PRIM2: variants seen among roughly 807,000 people sequenced by gnomAD.
The protein encoded by PRIM2 is DNA primase large subunit.
PRIM2 carries 39 observed loss-of-function variants against 67.3 expected under a neutral mutation model. That is an observed-to-expected ratio of 0.58 (90% CI 0.45 to 0.76). The LOEUF is 0.76. Among genes scored for constraint, PRIM2 ranks in the 30% least tolerant of loss-of-function variants. The pLI, the probability that PRIM2 is intolerant of heterozygous loss-of-function variation, is 0.00. For synonymous variants in PRIM2, 143 were observed against 198.7 expected, an observed-to-expected ratio of 0.72 and a Z score of 2.36; for missense variants, 398 against 598.7, an observed-to-expected ratio of 0.66 and a Z score of 3.50.
At chr6:57,533,936 T>TCATG (rs1304041549) in intron 9 of PRIM2, among the ~76,000 whole-genome samples, 2 of 152,198 alleles carry the variant, frequency 1.3e-5, no homozygotes, top group African/African-American at 4.8e-5. Flanking sequence ...GATGATCCTG[T>TCATG]CATGGGTCTG....
intron 10 of PRIM2, among the ~76,000 whole-genome samples, chr6:57,570,384 G>C (rs2127481249): frequency 6.6e-6 from 1 of 152,252 alleles, no homozygotes; most frequent in Non-Finnish European, 1.5e-5. Context: ...CACCTAATTA[G>C]CAAATGTCTT....
chr6:57,475,555 G>A (rs1773456545), intron 7 of PRIM2, among the ~76,000 whole-genome samples: 1 of 152,148 alleles, frequency 6.6e-6, no homozygotes, highest in Non-Finnish European at 1.5e-5. Context: ...ACTGCTGAAT[G>A]ATATTTCATC....
chr6:57,643,920 AG>A (rs1777290260), intron 13 of PRIM2, among the ~76,000 whole-genome samples: 1 of 152,232 alleles, frequency 6.6e-6, no homozygotes, highest in Non-Finnish European at 1.5e-5. Context: ...TAGGGTGCTT[AG>A]ATAAGTATTA....
At chr6:57,538,795 A>G (rs1383656053) in intron 10 of PRIM2, among the ~76,000 whole-genome samples, 4 of 152,252 alleles carry the variant, frequency 2.6e-5, no homozygotes, top group Middle Eastern at 3.4e-3. Flanking sequence ...TTGTGCTCAC[A>G]TGGCCTTTTC....
At chr6:57,400,192 A>G (rs922692392) in intron 7 of PRIM2, among the ~76,000 whole-genome samples, 8 of 152,232 alleles carry the variant, frequency 5.3e-5, no homozygotes, top group Non-Finnish European at 7.3e-5. Flanking sequence ...GTTGCTTTAT[A>G]TTGTCACTGA....
At chr6:57,242,689 A>G in the PRIM2 span, among the ~76,000 whole-genome samples, 1 of 152,212 alleles carries the variant, frequency 6.6e-6, no homozygotes, top group Non-Finnish European at 1.5e-5. Flanking sequence ...GATTAGTAAC[A>G]TATCATGTGC....
intron 10 of PRIM2, among the ~76,000 whole-genome samples, chr6:57,589,948 C>A: frequency 6.6e-6 from 1 of 152,174 alleles, no homozygotes; most frequent in South Asian, 2.1e-4. Flanking sequence ...AAGTCTTCAT[C>A]CCAGGAGACA....
chr6:57,257,940 C>G, the PRIM2 span, among the ~76,000 whole-genome samples: 2 of 152,168 alleles, frequency 1.3e-5, no homozygotes, highest in South Asian at 4.1e-4. Context: ...TGTCTCAGAG[C>G]AAAAGTTTGA....
intron 10 of PRIM2, among the ~76,000 whole-genome samples, chr6:57,573,582 A>G (rs1775901847): frequency 6.6e-6 from 1 of 152,158 alleles, no homozygotes; most frequent in South Asian, 2.1e-4. Context: ...ATATAGCAGT[A>G]TGGTAATTTA....
At chr6:57,245,755 C>A in the PRIM2 span, among the ~76,000 whole-genome samples, 1 of 152,152 alleles carries the variant, frequency 6.6e-6, no homozygotes, top group Admixed American at 6.5e-5. Flanking sequence ...GGAGTGCCTG[C>A]AGATGTAAAG....
chr6:57,603,362 C>A (rs1203581764), intron 11 of PRIM2, among the ~76,000 whole-genome samples: 1 of 152,138 alleles, frequency 6.6e-6, no homozygotes, highest in African/African-American at 2.4e-5. Flanking sequence ...TGTTTTTGAT[C>A]GCTAGCATTT....
At chr6:57,498,136 C>A (rs1160782459) in intron 7 of PRIM2, among the ~76,000 whole-genome samples, 5 of 152,004 alleles carry the variant, frequency 3.3e-5, no homozygotes, top group Non-Finnish European at 7.4e-5. Flanking sequence ...AAAGCTATAT[C>A]TTTTTGTTGC....
intron 12 of PRIM2, among the ~76,000 whole-genome samples, chr6:57,611,704 T>C (rs1776669802): frequency 6.6e-6 from 1 of 152,156 alleles, no homozygotes; most frequent in Non-Finnish European, 1.5e-5. Flanking sequence ...ACAGCATATC[T>C]GCAGGACCTT....
chr6:57,528,122 C>T (rs1260484143), intron 8 of PRIM2, among the ~76,000 whole-genome samples: 1 of 146,330 alleles, frequency 6.8e-6, no homozygotes, highest in African/African-American at 2.6e-5. Flanking sequence ...TGCCACCACA[C>T]CCAGCTAATT....
At chr6:57,256,853 A>G in the PRIM2 span, among the ~76,000 whole-genome samples, 1 of 152,176 alleles carries the variant, frequency 6.6e-6, no homozygotes, top group African/African-American at 2.4e-5. Context: ...AACTTCATCT[A>G]TCTAACTGAT....
At chr6:57,517,580 G>T (rs1774512680) in intron 8 of PRIM2, among the ~76,000 whole-genome samples, 1 of 151,906 alleles carries the variant, frequency 6.6e-6, no homozygotes, top group African/African-American at 2.4e-5. Context: ...TTAGTTAATG[G>T]TATCTGTATT....
intron 5 of PRIM2, among the ~76,000 whole-genome samples, chr6:57,352,825 G>A (rs1230697511): frequency 6.6e-6 from 1 of 151,872 alleles, no homozygotes; most frequent in East Asian, 1.9e-4. Context: ...TCCATTCAGT[G>A]TAGAAGGGGA....
chr6:57,569,886 G>A (rs1775829271), intron 10 of PRIM2, among the ~76,000 whole-genome samples: 1 of 152,084 alleles, frequency 6.6e-6, no homozygotes, highest in Admixed American at 6.6e-5. Context: ...TGGGACTACA[G>A]GCACGTGCCA....
intron 12 of PRIM2, among the ~76,000 whole-genome samples, chr6:57,623,714 G>T (rs1484218654): frequency 6.6e-6 from 1 of 151,840 alleles, no homozygotes; most frequent in Non-Finnish European, 1.5e-5. Flanking sequence ...TAAGCTTAAG[G>T]TACCCAGAAA....
Sources: allele counts gnomAD v4.1 joint callset (sites outside exome capture counted in the v4.1 genomes callset), GRCh38; gene constraint gnomAD v4.1.1; transcripts MANE v1.5; gene names NCBI Gene and HGNC (gene_info 2026-07-23, HGNC 2026-07-21).